FAM184A: variants seen among roughly 807,000 people sequenced by gnomAD.
FAM184A encodes the protein protein FAM184A.
In FAM184A, 99 loss-of-function variants were observed where a neutral mutation model predicts 143.8. The ratio of observed to expected loss-of-function variants is 0.69; its 90% CI spans 0.58 to 0.81. The LOEUF (loss-of-function observed/expected upper bound fraction) is 0.81, where lower values mean the gene tolerates loss of function less well. FAM184A is among the 40% of genes least tolerant of loss of function. The pLI is 0.00. For synonymous variants in FAM184A, 427 were observed against 446.4 expected, an observed-to-expected ratio of 0.96 and a Z score of 0.55; for missense variants, 1,217 against 1,310.5, an observed-to-expected ratio of 0.93 and a Z score of 1.10.
At chr6:119,128,477 C>T (rs1789433483) in intron 1 of FAM184A, among the ~76,000 whole-genome samples, 1 of 152,090 alleles carries the variant, frequency 6.6e-6, no homozygotes, top group Non-Finnish European at 1.5e-5. Context: ...TTGTTTGAGA[C>T]TCCTTCTAAG....
chr6:119,059,530 C>T (rs1291123854), intron 1 of FAM184A, among the ~76,000 whole-genome samples: 1 of 152,174 alleles, frequency 6.6e-6, no homozygotes, highest in African/African-American at 2.4e-5. Context: ...TCTAACAAAA[C>T]CATTTCCCAG....
At chr6:119,040,655 C>T (rs775225458) in intron 1 of FAM184A, among the ~76,000 whole-genome samples, 3 of 152,110 alleles carry the variant, frequency 2.0e-5, no homozygotes, top group Non-Finnish European at 4.4e-5. Context: ...GGCTCTTTTC[C>T]GGGACAAATA....
chr6:119,013,501 A>G (rs921404178), intron 5 of FAM184A, among the ~76,000 whole-genome samples: 10 of 152,230 alleles, frequency 6.6e-5, no homozygotes, highest in African/African-American at 2.4e-4. Context: ...AGTTACCATG[A>G]AACACTTTTC....
chr6:119,026,657 G>A (rs549211921), intron 1 of FAM184A, among the ~76,000 whole-genome samples: 6 of 152,058 alleles, frequency 3.9e-5, no homozygotes, highest in African/African-American at 1.2e-4. Context: ...ACAACTGACC[G>A]ACGTTAACAT....
At chr6:119,021,446 C>A (rs564159317) in intron 3 of FAM184A, among the ~76,000 whole-genome samples, 1 of 152,116 alleles carries the variant, frequency 6.6e-6, no homozygotes, top group Non-Finnish European at 1.5e-5. Flanking sequence ...AGTAACAAGC[C>A]CTAAGAAATG....
At chr6:119,146,299 G>T (rs1772424238) in intron 1 of FAM184A, among the ~76,000 whole-genome samples, 1 of 151,902 alleles carries the variant, frequency 6.6e-6, no homozygotes, top group Admixed American at 6.6e-5. Context: ...TTCCACACTG[G>T]CCCGCAGTGT....
chr6:118,987,618 AT>A (rs1352982809), intron 9 of FAM184A, among the ~76,000 whole-genome samples: 1 of 152,166 alleles, frequency 6.6e-6, no homozygotes, highest in Non-Finnish European at 1.5e-5. Flanking sequence ...TAACATTACA[AT>A]GTATAAAATA....
At chr6:119,032,756 G>A (rs528480156) in intron 1 of FAM184A, among the ~76,000 whole-genome samples, 1 of 152,286 alleles carries the variant, frequency 6.6e-6, no homozygotes, top group Admixed American at 6.5e-5. Flanking sequence ...AGCTTACCAA[G>A]TTAATAAAAG....
At chr6:118,999,236 G>C (rs1246374321) in intron 9 of FAM184A, among the ~76,000 whole-genome samples, 1 of 152,158 alleles carries the variant, frequency 6.6e-6, no homozygotes. Flanking sequence ...CAAGAGTTCA[G>C]TTCCAAACAC....
chr6:119,064,950 T>C (rs999360698), intron 1 of FAM184A, among the ~76,000 whole-genome samples: 4 of 152,224 alleles, frequency 2.6e-5, no homozygotes, highest in African/African-American at 7.2e-5. Context: ...CCCTTTAGCA[T>C]AGACACATAT....
intron 1 of FAM184A, among the ~76,000 whole-genome samples, chr6:119,106,911 T>G (rs952144041): frequency 4.6e-5 from 7 of 152,192 alleles, no homozygotes; most frequent in African/African-American, 1.7e-4. Context: ...AGACAGAGAT[T>G]GGTAATTAGG....
chr6:119,101,024 A>T (rs910537379), intron 1 of FAM184A, among the ~76,000 whole-genome samples: 2 of 152,192 alleles, frequency 1.3e-5, no homozygotes, highest in African/African-American at 4.8e-5. Flanking sequence ...GCTCTATGAA[A>T]ATAGTAATCC....
chr6:119,029,338 C>T (rs557650603), intron 1 of FAM184A, among the ~76,000 whole-genome samples: 1 of 152,196 alleles, frequency 6.6e-6, no homozygotes, highest in East Asian at 1.9e-4. Context: ...CCCTTGTCGA[C>T]AATTTATTGA....
chr6:119,041,314 GCTGA>G (rs1786319721), intron 1 of FAM184A, among the ~76,000 whole-genome samples: 1 of 152,130 alleles, frequency 6.6e-6, no homozygotes, highest in African/African-American at 2.4e-5. Context: ...GATTTCCCAG[GCTGA>G]CTAAGAATCC....
At chr6:118,982,096 G>A (rs1035910126) in intron 9 of FAM184A, among the ~76,000 whole-genome samples, 2 of 152,070 alleles carry the variant, frequency 1.3e-5, no homozygotes, top group African/African-American at 4.8e-5. Context: ...CACAGCTAAG[G>A]CCATACTTGT....
intron 1 of FAM184A, among the ~76,000 whole-genome samples, chr6:119,125,517 C>T (rs1263554831): frequency 2.0e-5 from 3 of 152,198 alleles, no homozygotes; most frequent in Non-Finnish European, 2.9e-5. Context: ...GTGATCTAGC[C>T]GCCTTGGCTT....
intron 1 of FAM184A, among the ~76,000 whole-genome samples, chr6:119,040,467 C>G (rs1786285794): frequency 1.3e-5 from 2 of 152,224 alleles, no homozygotes; most frequent in South Asian, 4.1e-4. Context: ...CTCCGCCCAG[C>G]TGATTTCTCA....
upstream of FAM184A, among the ~76,000 whole-genome samples, chr6:119,080,565 A>G (rs1473122992): frequency 6.6e-6 from 1 of 152,258 alleles, no homozygotes; most frequent in Non-Finnish European, 1.5e-5. Context: ...AACATAATAT[A>G]CAGGTCGAGT....
At chr6:119,144,961 G>A (rs977570467) in intron 1 of FAM184A, among the ~76,000 whole-genome samples, 3 of 152,216 alleles carry the variant, frequency 2.0e-5, no homozygotes, top group African/African-American at 7.2e-5. Flanking sequence ...CATAGATCAA[G>A]CAACATCATC....
Sources: allele counts gnomAD v4.1 joint callset (sites outside exome capture counted in the v4.1 genomes callset), GRCh38; gene constraint gnomAD v4.1.1; transcripts MANE v1.5; gene names NCBI Gene and HGNC (gene_info 2026-07-23, HGNC 2026-07-21).